Variants in PCDH10 observed in about 807,000 individuals in gnomAD.
PCDH10 encodes protocadherin 10.
In PCDH10, 15 loss-of-function variants were observed where a neutral mutation model predicts 74.4. The ratio of observed to expected loss-of-function variants is 0.20; its 90% CI spans 0.13 to 0.31. The LOEUF (loss-of-function observed/expected upper bound fraction) is 0.31. Among genes scored for constraint, PCDH10 ranks in the 10% least tolerant of loss-of-function variants. PCDH10 has a pLI of 1.00. For missense variants in PCDH10, 1,260 were observed against 1,390.2 expected (o/e 0.91, Z 1.49); for synonymous variants, 619 against 589.8 (o/e 1.05, Z -0.72).
downstream of PCDH10, among the ~76,000 whole-genome samples, chr4:133,199,319 TAATAA>T (rs1269524674): frequency 1.4e-5 from 2 of 146,178 alleles, no homozygotes; most frequent in African/African-American, 2.5e-5. Context: ...ATAATAATAA[TAATAA>T]TAATTAATTA....
At chr4:133,194,766 G>A (rs1394842721), downstream of PCDH10, 1 of 151,848 alleles carries the variant, frequency 6.6e-6, no homozygotes, top group Non-Finnish European at 1.5e-5. Context: ...GTTCAAAACT[G>A]AGTCTCATTT....
rs1172153670 is a variant in PCDH10 at position 133,151,637 on chromosome 4, C to T, written c.1497C>T (p.Ala499=). 1.2e-6 allele frequency: 2 copies of T among 1,613,664 alleles called. No homozygotes were observed. Among genetic ancestry groups the T allele is most frequent in the Non-Finnish European group, 1.7e-6 (2 of 1,180,064 alleles). Residue 499 remains alanine (A), a synonymous_variant, in exon 1 of 5, where the codon GCC becomes GCT. Transcript: ENST00000264360. ...DRDEGANAQL[A]YSILECQIQG... ...ATGAGGGCGCCAACGCCCAGCTTGC[C>T]TACTCTATCCTCGAGTGCCAGATCC...
In PCDH10 at chr4:133,151,850, C is replaced by A. The variant is rs1488340834; in HGVS notation, c.1710C>A (p.Asn570Lys). Residue 570 changes from asparagine to lysine, a missense_variant, in exon 1 of 5, where the codon AAC (asparagine) becomes AAA (lysine). This residue lies in a region of PCDH10 where 587 missense variants were observed against 616.9 expected (regional missense o/e 0.95). Transcript: ENST00000264360. ...VNILIVDQND[N>K]APAIVAPLPG... is the part of the protein sequence containing the mutation. ...TCCTCATAGTGGATCAAAATGACAA[C>A]GCCCCTGCCATCGTGGCGCCTCTAC... 1.2e-6 allele frequency: 2 copies of A among 1,613,010 alleles called. No individual in the cohort carries two copies. Among genetic ancestry groups the A allele is most frequent in the African/African-American group, 2.7e-5 (2 of 74,960 alleles).
At chr4:133,183,729 A>G (rs562234315) in intron 4 of PCDH10, among the ~76,000 whole-genome samples, 4 of 152,234 alleles carry the variant, frequency 2.6e-5, no homozygotes, top group African/African-American at 7.2e-5. Flanking sequence ...ATTAGGATGG[A>G]TCCATTTCTA....
downstream of PCDH10, among the ~76,000 whole-genome samples, chr4:133,197,079 T>A (rs1165179518): frequency 3.3e-5 from 5 of 152,156 alleles, no homozygotes; most frequent in African/African-American, 1.2e-4. Flanking sequence ...TTATCAGTGG[T>A]ATGGAGTACA....
chr4:133,156,874 C>T (rs1726877449), intron 3 of PCDH10, among the ~76,000 whole-genome samples: 1 of 152,150 alleles, frequency 6.6e-6, no homozygotes, highest in South Asian at 2.1e-4. Flanking sequence ...ATATTCTTAT[C>T]AGTGCATCTT....
At chr4:133,164,159 A>T (rs1449691418) in intron 4 of PCDH10, 2 of 337,800 alleles carry the variant, frequency 5.9e-6, no homozygotes, top group Non-Finnish European at 5.7e-6. Context: ...GAACCAAAAA[A>T]TCATTTGTTT....
At position 133,192,353 on chromosome 4, in the gene PCDH10, G is replaced by A. The variant is rs899457440; in HGVS notation, c.*2193G>A. The A allele has an allele frequency of 1.1e-4, 16 of 151,444 alleles. No homozygotes were observed. The highest frequency in any genetic ancestry group is 2.2e-4 in the Non-Finnish European group (15 of 67,598). The allele number at this position is 151,444 out of a possible 1,614,324, so 9.4% of individuals were successfully genotyped here. Reference sequence around the variant, plus strand: ...AGCAAGAAAATGATTTTCTTGTTGAGTCACTCTGCTTTAATTAAAATGTTT... The same window carrying A: ...AGCAAGAAAATGATTTTCTTGTTGAATCACTCTGCTTTAATTAAAATGTTT... On this transcript the variant is annotated 3_prime_UTR_variant, in exon 5 of 5. Coordinates refer to ENST00000264360, the MANE Select transcript of PCDH10 (RefSeq NM_032961.3).
intron 4 of PCDH10, among the ~76,000 whole-genome samples, chr4:133,184,538 G>A (rs906449160): frequency 6.6e-6 from 1 of 151,264 alleles, no homozygotes. Flanking sequence ...CAGAAGAATC[G>A]CCTGAACCCG....
At chr4:133,179,528 C>G (rs1019765513) in intron 4 of PCDH10, among the ~76,000 whole-genome samples, 4 of 152,134 alleles carry the variant, frequency 2.6e-5, no homozygotes, top group East Asian at 1.9e-4. Flanking sequence ...GACATCCTCT[C>G]TCATCTGAAA....
chr4:133,195,022 T>C (rs1409536147), downstream of PCDH10, among the ~76,000 whole-genome samples: 1 of 152,036 alleles, frequency 6.6e-6, no homozygotes, highest in Non-Finnish European at 1.5e-5. Context: ...AGGGATTTTA[T>C]CTATAACTTT....
chr4:133,188,207 T>C (rs1478733505), intron 4 of PCDH10, among the ~76,000 whole-genome samples: 6 of 152,134 alleles, frequency 3.9e-5, no homozygotes, highest in Non-Finnish European at 7.4e-5. Context: ...TAATTAATAA[T>C]AGTGTTTCTT....
chr4:133,190,366 G>A lies in PCDH10; in HGVS notation c.*206G>A. On this transcript the variant is annotated 3_prime_UTR_variant, in exon 5 of 5. Transcript: ENST00000264360. ...ATGAGTTGAAATGTGCAGAACTGTA[G>A]AAACTTTAGAGGCAACAGATTTTGC... 1.7e-6 allele frequency: 1 copy of A among 600,594 alleles called. No individual in the cohort carries two copies. The highest frequency in any genetic ancestry group is 3.0e-6 in the Non-Finnish European group (1 of 329,856). The allele number at this position is 600,594 out of a possible 1,614,324, so 37.2% of individuals were successfully genotyped here. A position where few individuals can be genotyped will look rare whatever the true frequency, so the allele number is the denominator to read the frequency against.
At chr4:133,203,202 A>G (rs1203453532) in intron 2 of PCDH10, among the ~76,000 whole-genome samples, 10 of 152,150 alleles carry the variant, frequency 6.6e-5, no homozygotes, top group Admixed American at 3.9e-4. Flanking sequence ...GCTTATGGCC[A>G]TGGTATAGAG....
At chr4:133,206,000 A>G (rs1174957282) in intron 2 of PCDH10, among the ~76,000 whole-genome samples, 1 of 152,198 alleles carries the variant, frequency 6.6e-6, no homozygotes, top group Non-Finnish European at 1.5e-5. Flanking sequence ...TTAAGAATGT[A>G]GGTACTCTAA....
In PCDH10 at chr4:133,167,957, A is replaced by G. The variant is rs372112266; in HGVS notation, c.3103+4675A>G. On this transcript the variant is annotated intron_variant, in intron 4 of 4. Coordinates refer to ENST00000264360, the MANE Select transcript of PCDH10 (RefSeq NM_032961.3). The stretch of plus-strand genomic sequence containing the variant: ...AAATTGAACCCTGTTCATTTTCTCT[A>G]TCTGAATTTTATTATATTTTATGCT... 2.3e-3 allele frequency among the ~76,000 whole-genome samples: 342 copies of G among 151,410 alleles called. 1 individual carries two copies. Among genetic ancestry groups the G allele is most frequent in the South Asian group, 6.4e-3 (31 of 4,828 alleles).
intron 3 of PCDH10, among the ~76,000 whole-genome samples, chr4:133,159,746 G>T (rs1056902500): frequency 3.3e-5 from 5 of 151,844 alleles, no homozygotes; most frequent in African/African-American, 1.2e-4. Flanking sequence ...TCCATAGTAA[G>T]GCATTTGAAT....
Position 133,155,026 on chromosome 4 carries a change from A to G in PCDH10, c.2797+3A>G. ...CACCAACCGTGCCCAGTCAGCTGGTAAGTGTGATCAAAGGGCAATCTAAAT... is the reference window on the plus strand; with the variant it reads ...CACCAACCGTGCCCAGTCAGCTGGTGAGTGTGATCAAAGGGCAATCTAAAT... On this transcript the variant is annotated splice_donor_region_variant and intron_variant, in intron 3 of 4. Transcript: ENST00000264360. 1 of 1,579,940 alleles carries G rather than the reference A, an allele frequency of 6.3e-7. No individual in the cohort carries two copies. Among genetic ancestry groups the G allele is most frequent in the African/African-American group, 1.3e-5 (1 of 74,330 alleles).
chr4:133,190,081 A>G, intron 4 of PCDH10, 60 bp from the exon 5 acceptor site: 1 of 1,347,302 alleles, frequency 7.4e-7, no homozygotes, highest in Non-Finnish European at 1.1e-6. Context: ...AATAATGTGT[A>G]ATTCTAAACT....
Sources: allele counts gnomAD v4.1 joint callset (sites outside exome capture counted in the v4.1 genomes callset), GRCh38; gene constraint gnomAD v4.1.1; regional missense constraint gnomAD v4.1.1; transcripts MANE v1.5; gene names NCBI Gene and HGNC (gene_info 2026-07-23, HGNC 2026-07-21).